HIVEP3: variants seen among roughly 807,000 people sequenced by gnomAD.
The protein encoded by HIVEP3 is transcription factor HIVEP3.
In HIVEP3, 49 loss-of-function variants were observed where a neutral mutation model predicts 152.8. That is an observed-to-expected ratio of 0.32 (90% CI 0.26 to 0.41). The LOEUF is 0.41. Among genes scored for constraint, HIVEP3 ranks in the 10% least tolerant of loss-of-function variants. The pLI, the probability that HIVEP3 is intolerant of heterozygous loss-of-function variation, is 1.00. For synonymous variants in HIVEP3, 1,269 were observed against 1,289.0 expected (o/e 0.98, Z 0.33); for missense variants, 2,790 against 3,103.3 (o/e 0.90, Z 2.40).
chr1:41,641,796 C>T (rs1296997300), intron 2 of HIVEP3, among the ~76,000 whole-genome samples: 1 of 152,210 alleles, frequency 6.6e-6, no homozygotes, highest in East Asian at 1.9e-4. Context: ...GGCAGGTCCA[C>T]TCTTAGTGTG....
intron 5 of HIVEP3, among the ~76,000 whole-genome samples, chr1:41,574,479 T>C (rs912170327): frequency 6.6e-6 from 1 of 152,050 alleles, no homozygotes; most frequent in Non-Finnish European, 1.5e-5. Context: ...GCACCCTCTC[T>C]CCTGAGAGCC....
chr1:41,617,033 C>A (rs375695935), intron 3 of HIVEP3, among the ~76,000 whole-genome samples: 1 of 152,208 alleles, frequency 6.6e-6, no homozygotes, highest in Non-Finnish European at 1.5e-5. Context: ...TGAACCCTGG[C>A]TGTCTGTCTT....
At chr1:41,977,585 A>G (rs1645267366) in intron 1 of HIVEP3, among the ~76,000 whole-genome samples, 2 of 152,352 alleles carry the variant, frequency 1.3e-5, no homozygotes, top group South Asian at 4.1e-4. Flanking sequence ...GAAGAGGACT[A>G]GGAAGTTCAG....
At chr1:41,575,436 C>T (rs551054215) in intron 5 of HIVEP3, 108 bp downstream of exon 5, 5 of 1,201,248 alleles carry the variant, frequency 4.2e-6, no homozygotes, top group Non-Finnish European at 6.0e-6. Context: ...CCACAGGGCA[C>T]CTGTGGGCAG....
intron 3 of HIVEP3, among the ~76,000 whole-genome samples, chr1:41,594,234 A>T (rs1231386022): frequency 1.3e-5 from 2 of 152,062 alleles, no homozygotes; most frequent in Non-Finnish European, 1.5e-5. Context: ...TTTTATTATT[A>T]TTTTTTGAAA....
At chr1:41,613,699 T>C (rs929971586) in intron 3 of HIVEP3, among the ~76,000 whole-genome samples, 1 of 152,224 alleles carries the variant, frequency 6.6e-6, no homozygotes, top group Non-Finnish European at 1.5e-5. Context: ...AATATTGAGA[T>C]ACAATTCACA....
chr1:41,792,479 G>C (rs1240871328), intron 1 of HIVEP3, among the ~76,000 whole-genome samples: 2 of 152,168 alleles, frequency 1.3e-5, no homozygotes, highest in Non-Finnish European at 2.9e-5. Flanking sequence ...GACCCTCTCT[G>C]CTTCCCTTCC....
chr1:41,575,679 G>A lies in HIVEP3; in HGVS notation c.5072C>T (p.Pro1691Leu), dbSNP rs745955878. Residue 1691 changes from proline to leucine, a missense_variant, in exon 5 of 9, where the codon CCT becomes CTT. Around this residue, in one of 9 missense-constraint regions of HIVEP3, gnomAD observed 1,078 missense variants for 1,165.3 expected, o/e 0.93. Coordinates refer to ENST00000372583, the MANE Select transcript of HIVEP3 (RefSeq NM_024503.5). ...RKPRMTEVHL[P>L]SLVSPEGQKD... ...CTGGCCTTCCGGGGAAACCAGTGAA[G>A]GGAGGTGAACCTGGCCCACCGCAGG... 1.2e-5 allele frequency: 20 copies of A among 1,613,906 alleles called. No homozygotes were observed. The Admixed American group carries it at 2.7e-4, about 22-fold the overall frequency.
At chr1:41,656,100 T>C (rs1193519064) in intron 2 of HIVEP3, among the ~76,000 whole-genome samples, 1 of 152,214 alleles carries the variant, frequency 6.6e-6, no homozygotes, top group Non-Finnish European at 1.5e-5. Context: ...TCCTCTCCCA[T>C]GAGTGGCTCT....
At chr1:41,857,892 G>C (rs1643811557) in intron 1 of HIVEP3, among the ~76,000 whole-genome samples, 1 of 151,948 alleles carries the variant, frequency 6.6e-6, no homozygotes, top group African/African-American at 2.4e-5. Context: ...AGGACAACCT[G>C]GATATTTCAC....
intron 1 of HIVEP3, among the ~76,000 whole-genome samples, chr1:41,892,388 G>T (rs1644459922): frequency 6.6e-6 from 1 of 152,190 alleles, no homozygotes; most frequent in Non-Finnish European, 1.5e-5. Flanking sequence ...GGAACTAGCA[G>T]CTGGGTGCCA....
At chr1:41,888,091 A>G (rs1400038165) in intron 1 of HIVEP3, among the ~76,000 whole-genome samples, 5 of 144,750 alleles carry the variant, frequency 3.5e-5, no homozygotes, top group Non-Finnish European at 3.0e-5. Flanking sequence ...GCTGGAGTGC[A>G]GTGGCGTGAT....
rs1644307853 is a variant in HIVEP3, at chr1:41,575,171, C to T, written c.5207+373G>A. 2.6e-5 allele frequency among the ~76,000 whole-genome samples: 4 copies of T among 152,286 alleles called. No homozygotes were observed. The South Asian group carries it at 8.3e-4, about 32-fold the overall frequency. On this transcript the variant is annotated intron_variant, in intron 5 of 8. Transcript: ENST00000372583. ...TGGCCATTGGGCAGTACAGAGATGA[C>T]TTTTGGAGAATACATGTCAAGAGAG...
At chr1:41,735,323 A>AT (rs1395396297) in intron 1 of HIVEP3, among the ~76,000 whole-genome samples, 2 of 152,214 alleles carry the variant, frequency 1.3e-5, no homozygotes, top group Non-Finnish European at 2.9e-5. Context: ...ACTTGCTCTG[A>AT]TGGTGACGAT....
At chr1:41,775,515 G>C (rs1648642763) in intron 1 of HIVEP3, among the ~76,000 whole-genome samples, 2 of 151,868 alleles carry the variant, frequency 1.3e-5, no homozygotes, top group South Asian at 4.2e-4. Context: ...TTTTGAGATG[G>C]AGTCTTACTC....
At chr1:41,889,398 T>C (rs901114433) in intron 1 of HIVEP3, among the ~76,000 whole-genome samples, 1 of 152,134 alleles carries the variant, frequency 6.6e-6, no homozygotes, top group African/African-American at 2.4e-5. Context: ...ACCTTCTCAA[T>C]GTCCCCGACA....
chr1:41,645,304 G>A (rs1176826129), intron 2 of HIVEP3, among the ~76,000 whole-genome samples: 2 of 152,162 alleles, frequency 1.3e-5, no homozygotes, highest in South Asian at 2.1e-4. Flanking sequence ...TGATCTGACC[G>A]CCACACAGGG....
In HIVEP3 at chr1:41,510,802, G is replaced by A. The variant is rs1455327465; in HGVS notation, c.6870C>T (p.Asp2290=). Residue 2290 remains aspartate, a synonymous_variant, in exon 9 of 9, where the codon GAC becomes GAT. Transcript: ENST00000372583. The part of the protein sequence containing the change: ...RTGGGPGRPP[D]WTPHGTGAPA... Reference sequence around the variant, plus strand: ...GTGCCCCGGTCCCATGGGGTGTCCAGTCAGGAGGCCTGCCCGGGCCTCCGC... The same window carrying A: ...GTGCCCCGGTCCCATGGGGTGTCCAATCAGGAGGCCTGCCCGGGCCTCCGC... 1.9e-6 allele frequency: 3 copies of A among 1,611,552 alleles called. No homozygotes were observed. The African/African-American group carries it at 4.0e-5, about 22-fold the overall frequency.
rs570770451 is a variant in HIVEP3, at chr1:41,807,286, G to A, written c.-800-106291C>T. Among the ~76,000 whole-genome samples the A allele has an allele frequency of 2.6e-5, 4 of 152,214 alleles. No individual in the cohort carries two copies. In the South Asian group the frequency reaches 8.3e-4, roughly 32 times the overall value. On this transcript the variant is annotated intron_variant, in intron 1 of 8. Transcript: ENST00000372583. ...GAATGAAGCTAGGACAGGAGGGGCA[G>A]AAGACGATGAAGGGAAGTGCAAACA... is the stretch of plus-strand genomic sequence containing the variant.
Sources: allele counts gnomAD v4.1 joint callset (sites outside exome capture counted in the v4.1 genomes callset), GRCh38; gene constraint gnomAD v4.1.1; regional missense constraint gnomAD v4.1.1; transcripts MANE v1.5; gene names NCBI Gene and HGNC (gene_info 2026-07-23, HGNC 2026-07-21).